The following PDE10A variants were observed in gnomAD, a reference collection of about 807,000 sequenced individuals.
The protein encoded by PDE10A is cAMP and cAMP-inhibited cGMP 3',5'-cyclic phosphodiesterase 10A.
A neutral mutation model predicts 97.7 loss-of-function variants in PDE10A; 39 were observed. That is an observed-to-expected ratio of 0.40 (90% confidence interval 0.31 to 0.52). The LOEUF (loss-of-function observed/expected upper bound fraction) is 0.52, where lower values mean the gene tolerates loss of function less well. Ranked by LOEUF, PDE10A falls within the 20% of genes least tolerant of loss-of-function variation. The pLI, the probability that PDE10A is intolerant of heterozygous loss-of-function variation, is 0.56. For missense variants in PDE10A, 731 were observed against 1,047.8 expected (o/e 0.70, Z 4.17); for synonymous variants, 371 against 376.8 (o/e 0.98, Z 0.18).
Position 165,418,551 on chromosome 6 carries a change from C to CAGACAATT in PDE10A, c.1796+83_1796+84insAATTGTCT. 8.0e-7 allele frequency: 1 copy of CAGACAATT among 1,256,160 alleles called. No individual in the cohort carries two copies. Among genetic ancestry groups the CAGACAATT allele is most frequent in the Non-Finnish European group, 1.1e-6 (1 of 878,322 alleles). 77.8% of individuals were successfully genotyped at this position (1,256,160 alleles called of 1,614,324 possible). A position where few individuals can be genotyped will look rare whatever the true frequency, so the allele number is the denominator to read the frequency against. On this transcript the variant is annotated intron_variant, in intron 11 of 21. Coordinates refer to ENST00000539869, the MANE Select transcript of PDE10A (RefSeq NM_001385079.1). The surrounding 1 kb of genome is among the most constrained non-coding windows in gnomAD (Gnocchi z 4.8). ...CAGTATGACAAGTATTGTCAGCATACCTGTGAATAGGCACAGAAAAATGGG... is the reference window on the plus strand; with the variant it reads ...CAGTATGACAAGTATTGTCAGCATACAGACAATTCTGTGAATAGGCACAGAAAAATGGG...
chr6:165,350,988 C>T (rs956390831), intron 18 of PDE10A, among the ~76,000 whole-genome samples: 8 of 152,116 alleles, frequency 5.3e-5, no homozygotes, highest in African/African-American at 1.9e-4. Flanking sequence ...AGCATGAGAA[C>T]GGACTAATAC....
At chr6:165,644,938 A>T (rs1789316509) in intron 1 of PDE10A, among the ~76,000 whole-genome samples, 1 of 152,216 alleles carries the variant, frequency 6.6e-6, no homozygotes, top group Admixed American at 6.5e-5. Context: ...AGTGCTTTTT[A>T]AAAAATCATA....
intron 5 of PDE10A, among the ~76,000 whole-genome samples, chr6:165,440,343 A>G (rs530192488): frequency 3.3e-5 from 5 of 152,378 alleles, no homozygotes; most frequent in South Asian, 2.1e-4. Flanking sequence ...TACATACTGA[A>G]GGTAAAACTT....
chr6:165,605,107 T>C (rs762015613), intron 1 of PDE10A, among the ~76,000 whole-genome samples: 6 of 152,164 alleles, frequency 3.9e-5, no homozygotes, highest in Non-Finnish European at 8.8e-5. Flanking sequence ...ATTTTGCTCA[T>C]ACCTGTTCTC....
intron 18 of PDE10A, among the ~76,000 whole-genome samples, chr6:165,357,635 G>A (rs1783112677): frequency 6.6e-6 from 1 of 152,014 alleles, no homozygotes; most frequent in Admixed American, 6.6e-5. Flanking sequence ...GTTCATCTAA[G>A]TTTCAAATTT....
chr6:165,625,099 C>T (rs903074885), intron 1 of PDE10A, among the ~76,000 whole-genome samples: 24 of 149,246 alleles, frequency 1.6e-4, no homozygotes, highest in African/African-American at 1.8e-4. Context: ...GAGAGACGGC[C>T]GAGTGGCAGA....
intron 3 of PDE10A, among the ~76,000 whole-genome samples, chr6:165,477,478 C>T (rs375568610): frequency 1.3e-5 from 2 of 152,106 alleles, no homozygotes; most frequent in African/African-American, 4.8e-5. Flanking sequence ...AGTTTGTCCT[C>T]GAGATATCTC....
At chr6:165,694,919 C>CT (rs1392156516) in intron 1 of PDE10A, among the ~76,000 whole-genome samples, 1 of 152,188 alleles carries the variant, frequency 6.6e-6, no homozygotes, top group Non-Finnish European at 1.5e-5. Flanking sequence ...TCATGTCTTC[C>CT]GTAGCCTTCA....
Position 165,561,112 on chromosome 6 carries a change from G to T in PDE10A, c.866-17544C>A, listed in dbSNP as rs12214892. 2.6e-5 allele frequency among the ~76,000 whole-genome samples: 4 copies of T among 151,958 alleles called. 1 individual carries two copies. In the South Asian group the frequency reaches 8.3e-4, roughly 32 times the overall value. Reference sequence around the variant, plus strand: ...CGGGCACCTGTAGTCCCAGCTACTCGGGAGGCTGAGGCAGAAGAATTGCTT... The same window carrying T: ...CGGGCACCTGTAGTCCCAGCTACTCTGGAGGCTGAGGCAGAAGAATTGCTT... On this transcript the variant is annotated intron_variant, in intron 1 of 21. Coordinates refer to ENST00000539869, the MANE Select transcript of PDE10A (RefSeq NM_001385079.1).
intron 1 of PDE10A, among the ~76,000 whole-genome samples, chr6:165,735,674 G>C (rs539473956): frequency 2.5e-4 from 38 of 152,130 alleles, no homozygotes; most frequent in Non-Finnish European, 1.5e-4. Flanking sequence ...GGGATGGTCA[G>C]TTTTTTGTTC....
At chr6:165,666,728 A>G (rs1199106846), upstream of PDE10A, among the ~76,000 whole-genome samples, 1 of 151,172 alleles carries the variant, frequency 6.6e-6, no homozygotes, top group African/African-American at 2.4e-5. Context: ...CTCATCCCCA[A>G]TTCATCATAG....
At chr6:165,804,514 G>A (rs936915840) in intron 1 of PDE10A, among the ~76,000 whole-genome samples, 2 of 152,154 alleles carry the variant, frequency 1.3e-5, no homozygotes, top group Non-Finnish European at 2.9e-5. Flanking sequence ...TGAATCAAAT[G>A]TTTGGCGCGA....
intron 1 of PDE10A, among the ~76,000 whole-genome samples, chr6:165,913,220 G>T (rs528748879): frequency 2.6e-4 from 39 of 151,666 alleles, no homozygotes; most frequent in African/African-American, 8.7e-4. Context: ...GAAAAAATCT[G>T]AAATCCTAGA....
chr6:165,432,237 G>T (rs1215572204), intron 7 of PDE10A, among the ~76,000 whole-genome samples: 1 of 152,204 alleles, frequency 6.6e-6, no homozygotes, highest in African/African-American at 2.4e-5. Flanking sequence ...GAAGAAGAGA[G>T]AAAGAAACAT....
intron 1 of PDE10A, among the ~76,000 whole-genome samples, chr6:165,913,331 T>C (rs529536309): frequency 4.6e-5 from 7 of 151,644 alleles, no homozygotes; most frequent in African/African-American, 1.5e-4. Context: ...TCAGTGTTCA[T>C]GGGAGTTCCA....
At chr6:165,919,155 C>T (rs1372403591) in intron 1 of PDE10A, among the ~76,000 whole-genome samples, 3 of 152,210 alleles carry the variant, frequency 2.0e-5, no homozygotes, top group Non-Finnish European at 2.9e-5. Flanking sequence ...GGTTTCATGC[C>T]TTCACGGAAT....
chr6:165,625,413 G>T (rs1171861081), intron 1 of PDE10A, among the ~76,000 whole-genome samples: 1 of 152,232 alleles, frequency 6.6e-6, no homozygotes, highest in Non-Finnish European at 1.5e-5. Flanking sequence ...AGCCAAGAAT[G>T]ACCTCAAAGA....
At chr6:165,948,313 G>T (rs1442855893) in intron 1 of PDE10A, 1 of 152,190 alleles carries the variant, frequency 6.6e-6, no homozygotes, top group Non-Finnish European at 1.5e-5. Flanking sequence ...AAAGTATAAA[G>T]CTCTGTCAAT....
At chr6:165,361,518 G>T (rs1403554444) in intron 18 of PDE10A, among the ~76,000 whole-genome samples, 1 of 152,150 alleles carries the variant, frequency 6.6e-6, no homozygotes, top group African/African-American at 2.4e-5. Flanking sequence ...ACCTTATATA[G>T]AAATAGTGTT....
Sources: gnomAD v4.1 joint callset for allele counts (sites outside exome capture counted in the v4.1 genomes callset) on GRCh38, gnomAD v4.1.1 for gene constraint, Gnocchi (gnomAD v3.1) non-coding constraint, MANE v1.5 for transcripts, NCBI Gene and HGNC (gene_info 2026-07-23, HGNC 2026-07-21) for gene names.